Variants in RB1CC1 observed in about 807,000 individuals in gnomAD.
RB1CC1 encodes the protein RB1 inducible coiled-coil 1, also known as RB1-inducible coiled-coil protein 1.
In RB1CC1, 46 loss-of-function variants were observed where a neutral mutation model predicts 177.5. The ratio of observed to expected loss-of-function variants is 0.26; its 90% CI spans 0.20 to 0.33. The LOEUF is 0.33. Among genes scored for constraint, RB1CC1 ranks in the 10% least tolerant of loss-of-function variants. The pLI is 1.00. For missense variants in RB1CC1, 1,703 were observed against 1,816.3 expected (o/e 0.94, Z 1.13); for synonymous variants, 666 against 613.6 (o/e 1.09, Z -1.26).
chr8:52,713,687 AGGT>A (rs1308483875), intron 1 of RB1CC1, among the ~76,000 whole-genome samples: 10 of 152,154 alleles, frequency 6.6e-5, no homozygotes, highest in African/African-American at 2.4e-4. Flanking sequence ...GCGTCTTGGG[AGGT>A]TCGGACGTCC....
chr8:52,653,443 C>G (rs1005216834), intron 15 of RB1CC1, among the ~76,000 whole-genome samples: 2 of 152,160 alleles, frequency 1.3e-5, no homozygotes, highest in South Asian at 4.2e-4. Context: ...TCCGTAGGCC[C>G]TAATAGAATG....
chr8:52,634,873 A>T, intron 20 of RB1CC1, 48 bp downstream of exon 20: 1 of 1,425,120 alleles, frequency 7.0e-7, no homozygotes, highest in East Asian at 2.3e-5. Context: ...ATATAATGCA[A>T]ATCATTTAAA....
chr8:52,706,333 C>A (rs951519680), intron 1 of RB1CC1, among the ~76,000 whole-genome samples: 1 of 150,506 alleles, frequency 6.6e-6, no homozygotes, highest in African/African-American at 2.4e-5. Flanking sequence ...CCTAAATGGT[C>A]ATTCATGTTT....
At chr8:52,683,459 T>G (rs1387759285) in intron 5 of RB1CC1, 90 bp downstream of exon 5, 3 of 1,168,746 alleles carry the variant, frequency 2.6e-6, no homozygotes, top group Non-Finnish European at 3.4e-6. Flanking sequence ...TCAAACTTTT[T>G]GCATACTTCC....
chr8:52,645,916 C>T (rs751299161), intron 15 of RB1CC1, 49 bp from the exon 16 acceptor site: 7 of 1,478,708 alleles, frequency 4.7e-6, no homozygotes, highest in Non-Finnish European at 6.4e-6. Flanking sequence ...TACAGACACA[C>T]AAATATACCA....
intron 1 of RB1CC1, among the ~76,000 whole-genome samples, chr8:52,693,780 G>C (rs535511657): frequency 6.6e-6 from 1 of 151,998 alleles, no homozygotes; most frequent in African/African-American, 2.4e-5. Context: ...GCCTGTCAGA[G>C]GGTGAAGGGT....
intron 16 of RB1CC1, 199 bp from the exon 17 acceptor site, chr8:52,643,011 T>C: frequency 2.0e-6 from 1 of 508,144 alleles, no homozygotes; most frequent in Middle Eastern, 6.0e-4. Context: ...TTTAAGTCTC[T>C]TGAAAGCAAA....
chr8:52,674,146 A>C lies in RB1CC1; in HGVS notation c.701T>G (p.Met234Arg). The change falls in exon 7 of 24, where the codon ATG becomes AGG. Residue 234 changes from methionine (M) to arginine (R), a missense_variant. Transcript: ENST00000025008. ...GAGCACCAGTTCAGTGGATCTTTTC[A>C]TCTCAGCTTTTTCTGAGTCTTCATG... ...PEHEDSEKAE[M>R]KRSTELVLSP... 6.2e-7 allele frequency: 1 copy of C among 1,613,680 alleles called. No individual in the cohort carries two copies. The highest frequency in any genetic ancestry group is 8.5e-7 in the Non-Finnish European group (1 of 1,179,786).
At chr8:52,636,544 A>AC (rs1491587761) in intron 18 of RB1CC1, among the ~76,000 whole-genome samples, 1 of 152,198 alleles carries the variant, frequency 6.6e-6, no homozygotes, top group Non-Finnish European at 1.5e-5. Flanking sequence ...AAAGAGAAAA[A>AC]CAATTATTAT....
intron 1 of RB1CC1, among the ~76,000 whole-genome samples, chr8:52,693,183 T>C (rs573483592): frequency 1.3e-5 from 2 of 152,272 alleles, no homozygotes; most frequent in South Asian, 2.1e-4. Context: ...GAAGAATACC[T>C]AGGCAATACC....
chr8:52,703,721 G>A (rs922734168), intron 1 of RB1CC1, among the ~76,000 whole-genome samples: 12 of 152,004 alleles, frequency 7.9e-5, no homozygotes, highest in Admixed American at 3.3e-4. Flanking sequence ...ACACTTTTTT[G>A]CCACTTGCCA....
chr8:52,624,898 T>C (rs757876965), intron 22 of RB1CC1, 111 bp from the exon 23 acceptor site: 2 of 719,992 alleles, frequency 2.8e-6, no homozygotes, highest in African/African-American at 1.9e-5. Context: ...AGTGGAAGAA[T>C]ATGTAAGACT....
At chr8:52,692,482 T>A (rs1014807014) in intron 1 of RB1CC1, among the ~76,000 whole-genome samples, 17 of 152,306 alleles carry the variant, frequency 1.1e-4, no homozygotes, top group Middle Eastern at 3.4e-3. Flanking sequence ...ATGAAGTATA[T>A]GATATTCTTA....
chr8:52,708,700 CATT>C (rs1350102929), intron 1 of RB1CC1, among the ~76,000 whole-genome samples: 2 of 152,142 alleles, frequency 1.3e-5, no homozygotes, highest in Non-Finnish European at 2.9e-5. Context: ...ACCTATCTCT[CATT>C]ATGAGGACAT....
intron 7 of RB1CC1, among the ~76,000 whole-genome samples, chr8:52,673,407 C>T (rs1008948342): frequency 2.0e-5 from 3 of 152,266 alleles, no homozygotes; most frequent in East Asian, 1.9e-4. Flanking sequence ...GTCTACGTTT[C>T]GAATTTTAAA....
At chr8:52,664,261 T>C (rs538441433) in intron 8 of RB1CC1, among the ~76,000 whole-genome samples, 3 of 152,316 alleles carry the variant, frequency 2.0e-5, no homozygotes, top group African/African-American at 4.8e-5. Flanking sequence ...GCACACTCAA[T>C]TGAAAACTGT....
intron 21 of RB1CC1, among the ~76,000 whole-genome samples, chr8:52,628,610 G>C (rs970231411): frequency 6.6e-6 from 1 of 152,104 alleles, no homozygotes; most frequent in Non-Finnish European, 1.5e-5. Context: ...ACAAGAAAAA[G>C]CAACTGAGCT....
Position 52,656,937 on chromosome 8 carries a change from C to A in RB1CC1, c.2892G>T (p.Lys964Asn). Reference protein sequence around the residue: ...SREIVLEDLKKLHVENDEKLQ... With the variant: ...SREIVLEDLKNLHVENDEKLQ... ...ACTTCTCATCATTTTCAACATGGAG[C>A]TTTTTTAAGTCTTCTAACACTATTT... The change falls in exon 15 of 24, where the codon AAG becomes AAT. Residue 964 changes from lysine (K) to asparagine (N), a missense_variant. Around this residue, in one of 6 missense-constraint regions of RB1CC1, gnomAD observed 1,169 missense variants for 1,184.7 expected, o/e 0.99. Coordinates refer to ENST00000025008, the MANE Select transcript of RB1CC1 (RefSeq NM_014781.5). 1 of 1,613,314 alleles carries A rather than the reference C, an allele frequency of 6.2e-7. No individual in the cohort carries two copies. Among genetic ancestry groups the A allele is most frequent in the Non-Finnish European group, 8.5e-7 (1 of 1,179,934 alleles).
intron 1 of RB1CC1, among the ~76,000 whole-genome samples, chr8:52,692,559 G>A (rs934973235): frequency 6.6e-6 from 1 of 152,050 alleles, no homozygotes; most frequent in African/African-American, 2.4e-5. Flanking sequence ...ATGGCTCAAA[G>A]AAGTTATTTC....
Sources: gnomAD v4.1 joint callset for allele counts (sites outside exome capture counted in the v4.1 genomes callset) on GRCh38, gnomAD v4.1.1 for gene constraint, gnomAD v4.1.1 regional missense constraint, MANE v1.5 for transcripts, NCBI Gene and HGNC (gene_info 2026-07-23, HGNC 2026-07-21) for gene names.